Variants in ANKMY2 observed in about 807,000 individuals in gnomAD.
The protein encoded by ANKMY2 is ankyrin repeat and MYND domain containing 2, also known as ankyrin repeat and MYND domain-containing protein 2.
Under a neutral mutation model 50.4 loss-of-function variants are expected in ANKMY2, and 36 were observed. The observed-to-expected ratio is 0.71, with a 90% confidence interval of 0.55 to 0.94. ANKMY2 has a LOEUF of 0.94. Ranked by LOEUF, ANKMY2 falls within the 40% of genes least tolerant of loss-of-function variation. The pLI is 0.00. For missense variants in ANKMY2, 565 were observed against 524.0 expected (o/e 1.08, Z -0.76); for synonymous variants, 187 against 178.8 (o/e 1.05, Z -0.36).
intron 5 of ANKMY2, among the ~76,000 whole-genome samples, chr7:16,613,883 T>C (rs1339752677): frequency 7.0e-6 from 1 of 143,690 alleles, no homozygotes; most frequent in East Asian, 2.1e-4. Context: ...TCTGTACCAC[T>C]GCACTCCAGG....
At chr7:16,600,974 T>C (rs758642076) in intron 9 of ANKMY2, 29 bp from the exon 10 acceptor site, 3 of 1,549,876 alleles carry the variant, frequency 1.9e-6, no homozygotes, top group East Asian at 4.5e-5. Flanking sequence ...AGTTATTTTG[T>C]TCCTACCATG....
intron 1 of ANKMY2, among the ~76,000 whole-genome samples, chr7:16,641,029 T>A (rs1200501392): frequency 6.6e-6 from 1 of 152,152 alleles, no homozygotes; most frequent in Non-Finnish European, 1.5e-5. Context: ...ATCATAGATA[T>A]AAAGCTATAA....
At chr7:16,630,344 T>G (rs1399606110) in intron 2 of ANKMY2, among the ~76,000 whole-genome samples, 1 of 152,200 alleles carries the variant, frequency 6.6e-6, no homozygotes, top group Non-Finnish European at 1.5e-5. Context: ...ATTTATGACA[T>G]CTTAGACTCA....
At chr7:16,629,434 G>T (rs1781548231) in intron 2 of ANKMY2, among the ~76,000 whole-genome samples, 1 of 152,178 alleles carries the variant, frequency 6.6e-6, no homozygotes, top group Non-Finnish European at 1.5e-5. Context: ...TACTCGGGAA[G>T]CTGAAGCAGG....
chr7:16,623,980 C>G (rs950651965), intron 4 of ANKMY2, among the ~76,000 whole-genome samples: 18 of 152,098 alleles, frequency 1.2e-4, no homozygotes, highest in African/African-American at 3.9e-4. Context: ...TACACTGTAT[C>G]TGAACCTGAC....
chr7:16,640,166 C>A (rs1781725994), intron 1 of ANKMY2, among the ~76,000 whole-genome samples: 1 of 151,570 alleles, frequency 6.6e-6, no homozygotes, highest in African/African-American at 2.4e-5. Flanking sequence ...GACTCTGTCT[C>A]AAAAAAATAA....
chr7:16,631,610 T>G (rs1781585086), intron 2 of ANKMY2, among the ~76,000 whole-genome samples: 1 of 151,904 alleles, frequency 6.6e-6, no homozygotes, highest in Non-Finnish European at 1.5e-5. Flanking sequence ...ATTATTCCAG[T>G]TTTTCTACTT....
intron 1 of ANKMY2, chr7:16,644,959 G>A (rs1419050405): frequency 6.0e-6 from 2 of 335,350 alleles, no homozygotes; most frequent in African/African-American, 2.2e-5. Context: ...GGAAGCCAGG[G>A]AGGCCCTGGA....
intron 5 of ANKMY2, among the ~76,000 whole-genome samples, chr7:16,612,326 G>A (rs555709810): frequency 4.3e-4 from 66 of 152,178 alleles, no homozygotes; most frequent in Non-Finnish European, 8.4e-4. Context: ...AAAATTAAAC[G>A]AATTTCACTT....
intron 4 of ANKMY2, among the ~76,000 whole-genome samples, chr7:16,616,942 T>C (rs1781363552): frequency 6.6e-6 from 1 of 152,234 alleles, no homozygotes; most frequent in Non-Finnish European, 1.5e-5. Flanking sequence ...GGCAGAGGGC[T>C]CTGCTTGTCC....
In ANKMY2 at chr7:16,608,768, G is replaced by A. The variant is rs142500498; in HGVS notation, c.882+862C>T. On this transcript the variant is annotated intron_variant, in intron 7 of 9. Transcript: ENST00000306999. ...TGTAATCCCAGCACTTTGGGAAGCC[G>A]AGGTGGGTAGATCACCTGAGTCAGG... Among the ~76,000 whole-genome samples, 88 of 152,264 alleles carry A rather than the reference G, an allele frequency of 5.8e-4. 1 individual carries two copies. Among genetic ancestry groups the A allele is most frequent in the African/African-American group, 1.9e-3 (77 of 41,552 alleles).
chr7:16,630,256 T>A (rs534435928), intron 2 of ANKMY2, among the ~76,000 whole-genome samples: 6 of 152,278 alleles, frequency 3.9e-5, no homozygotes, highest in East Asian at 3.9e-4. Context: ...TCTCCAGAAT[T>A]TTCACTTTAC....
intron 4 of ANKMY2, among the ~76,000 whole-genome samples, chr7:16,622,245 G>A (rs557572661): frequency 1.9e-4 from 29 of 152,266 alleles, no homozygotes; most frequent in African/African-American, 5.8e-4. Context: ...AAGAGTATAA[G>A]TGGGTAATCC....
intron 1 of ANKMY2, chr7:16,644,845 C>T (rs950938178): frequency 2.0e-5 from 8 of 397,244 alleles, no homozygotes; most frequent in Non-Finnish European, 3.1e-5. Flanking sequence ...CGCGAAGGAG[C>T]GCGATTAGAA....
intron 4 of ANKMY2, among the ~76,000 whole-genome samples, chr7:16,616,801 C>T (rs375386538): frequency 6.6e-6 from 1 of 152,244 alleles, no homozygotes; most frequent in Non-Finnish European, 1.5e-5. Flanking sequence ...GAGAGTGGTT[C>T]CCCCTGGGTA....
chr7:16,611,801 C>T (rs899726990), intron 5 of ANKMY2, among the ~76,000 whole-genome samples: 4 of 152,152 alleles, frequency 2.6e-5, no homozygotes, highest in Non-Finnish European at 4.4e-5. Context: ...CTGTTGTGCC[C>T]ACCATTGAGT....
rs560383216 is a variant in ANKMY2 at position 16,613,125 on chromosome 7, T to A, written c.532-2362A>T. Reference sequence around the variant, plus strand: ...CTGCTGACATTTTTTTCTGTGATTTTGTTTTTCTCCTAGATAACCTTCATA... The same window carrying A: ...CTGCTGACATTTTTTTCTGTGATTTAGTTTTTCTCCTAGATAACCTTCATA... On this transcript the variant is annotated intron_variant, in intron 5 of 9. Transcript: ENST00000306999. Among the ~76,000 whole-genome samples, 9 of 152,354 alleles carry A rather than the reference T, an allele frequency of 5.9e-5. No homozygotes were observed. In the East Asian group the frequency reaches 1.5e-3, roughly 26 times the overall value.
intron 5 of ANKMY2, among the ~76,000 whole-genome samples, chr7:16,613,803 G>A (rs1034408450): frequency 2.4e-4 from 36 of 151,768 alleles, no homozygotes; most frequent in African/African-American, 8.2e-4. Flanking sequence ...AGGCGTGGTG[G>A]TGGGCACCTG....
intron 4 of ANKMY2, 91 bp downstream of exon 4, chr7:16,624,892 T>C (rs1781488840): frequency 9.3e-7 from 1 of 1,080,202 alleles, no homozygotes. Context: ...AGCAACATGA[T>C]AATATTTTCA....
Sources: allele counts gnomAD v4.1 joint callset (sites outside exome capture counted in the v4.1 genomes callset), GRCh38; gene constraint gnomAD v4.1.1; transcripts MANE v1.5; gene names NCBI Gene and HGNC (gene_info 2026-07-23, HGNC 2026-07-21).